Variants in SPATA17 observed in about 807,000 individuals in gnomAD.
SPATA17 encodes spermatogenesis-associated protein 17.
Under a neutral mutation model 62.2 loss-of-function variants are expected in SPATA17, and 53 were observed. The observed-to-expected ratio is 0.85, with a 90% CI of 0.68 to 1.07. SPATA17 has a LOEUF of 1.07. SPATA17 is among the 50% of genes least tolerant of loss of function. The pLI is 0.00. For missense variants in SPATA17, 466 were observed against 425.5 expected (o/e 1.10, Z -0.84); for synonymous variants, 146 against 146.8 (o/e 0.99, Z 0.04).
chr1:217,667,766 T>C (rs1300966525), intron 3 of SPATA17, among the ~76,000 whole-genome samples: 1 of 152,226 alleles, frequency 6.6e-6, no homozygotes, highest in Non-Finnish European at 1.5e-5. Context: ...TGCTTCAATA[T>C]GATGTCAAGA....
At chr1:217,742,941 C>T (rs186942504) in intron 6 of SPATA17, among the ~76,000 whole-genome samples, 1,634 of 129,572 alleles carry the variant, frequency 0.013, 23 homozygotes, top group African/African-American at 0.042. Flanking sequence ...TAGAGGCATC[C>T]AAATTAAAAT....
chr1:217,815,925 C>G (rs369969851), intron 9 of SPATA17, among the ~76,000 whole-genome samples: 1 of 152,080 alleles, frequency 6.6e-6, no homozygotes, highest in African/African-American at 2.4e-5. Flanking sequence ...CTTGGAGAAC[C>G]CTGACTTACA....
intron 6 of SPATA17, among the ~76,000 whole-genome samples, chr1:217,750,706 G>C (rs1300864209): frequency 6.6e-6 from 1 of 152,156 alleles, no homozygotes; most frequent in African/African-American, 2.4e-5. Context: ...CCAGTAGTTT[G>C]TATGAATGTT....
intron 9 of SPATA17, among the ~76,000 whole-genome samples, chr1:217,860,001 CT>C (rs927228272): frequency 2.0e-5 from 3 of 152,038 alleles, no homozygotes; most frequent in African/African-American, 7.2e-5. Flanking sequence ...TGATTATTGA[CT>C]TTAGATTTTT....
chr1:217,870,198 T>C lies in SPATA17; in HGVS notation c.*3179T>C, dbSNP rs920248344. 2.0e-5 allele frequency: 3 copies of C among 152,198 alleles called. No homozygotes were observed. The highest frequency in any genetic ancestry group is 7.2e-5 in the African/African-American group (3 of 41,460). The allele number at this position is 152,198 out of a possible 1,614,324, so 9.4% of individuals were successfully genotyped here. ...GTATGAATGGCCTTCATTGATTTTGTAGACCCTGACCTTCTCTGTTCTTCC... is the reference window on the plus strand; with the variant it reads ...GTATGAATGGCCTTCATTGATTTTGCAGACCCTGACCTTCTCTGTTCTTCC... On this transcript the variant is annotated 3_prime_UTR_variant, in exon 11 of 11. Transcript: ENST00000366933.
chr1:217,639,283 A>G (rs182627185), intron 1 of SPATA17, among the ~76,000 whole-genome samples: 213 of 152,260 alleles, frequency 1.4e-3, no homozygotes, highest in African/African-American at 5.0e-3. Context: ...AAAAGACACA[A>G]AAACAATAAT....
intron 5 of SPATA17, among the ~76,000 whole-genome samples, chr1:217,694,525 T>A (rs1671411568): frequency 7.3e-6 from 1 of 137,428 alleles, no homozygotes; most frequent in Non-Finnish European, 1.6e-5. Flanking sequence ...GTGAATTTGA[T>A]CCTGTCATTA....
intron 5 of SPATA17, among the ~76,000 whole-genome samples, chr1:217,706,977 C>T (rs1671751978): frequency 6.6e-6 from 1 of 152,034 alleles, no homozygotes; most frequent in Admixed American, 6.6e-5. Flanking sequence ...AGCCATTCTC[C>T]TGCCTCAGAC....
At chr1:217,733,510 G>A (rs1055115124) in intron 5 of SPATA17, among the ~76,000 whole-genome samples, 8 of 152,082 alleles carry the variant, frequency 5.3e-5, no homozygotes, top group African/African-American at 9.7e-5. Flanking sequence ...TAAGCACTAC[G>A]TATGTATTTT....
At chr1:217,789,387 G>A (rs1451034669) in intron 8 of SPATA17, among the ~76,000 whole-genome samples, 1 of 152,026 alleles carries the variant, frequency 6.6e-6, no homozygotes, top group African/African-American at 2.4e-5. Flanking sequence ...TATTGGATTT[G>A]GTAATATTAT....
intron 5 of SPATA17, among the ~76,000 whole-genome samples, chr1:217,735,908 T>C (rs912756838): frequency 6.6e-6 from 1 of 151,700 alleles, no homozygotes; most frequent in Non-Finnish European, 1.5e-5. Context: ...CTGTATATAA[T>C]TGAGTCATTT....
chr1:217,674,003 A>G (rs917976787), intron 4 of SPATA17, among the ~76,000 whole-genome samples: 1 of 152,152 alleles, frequency 6.6e-6, no homozygotes, highest in Non-Finnish European at 1.5e-5. Flanking sequence ...AAAATGACAT[A>G]TATCTTATAC....
chr1:217,687,888 T>C (rs987322304), intron 5 of SPATA17, among the ~76,000 whole-genome samples: 21 of 152,364 alleles, frequency 1.4e-4, no homozygotes, highest in African/African-American at 4.6e-4. Context: ...CTTTCATTAT[T>C]GTAACCATTT....
intron 8 of SPATA17, among the ~76,000 whole-genome samples, chr1:217,799,523 G>C (rs1271203834): frequency 6.6e-6 from 1 of 151,970 alleles, no homozygotes; most frequent in East Asian, 1.9e-4. Flanking sequence ...TTATATGAGA[G>C]CTCTTTTCCC....
At chr1:217,850,443 C>A in intron 9 of SPATA17, 1 of 1,362,906 alleles carries the variant, frequency 7.3e-7, no homozygotes, top group Admixed American at 1.7e-5. Flanking sequence ...ACAGGGTCAA[C>A]TCTTTCTGGA....
At chr1:217,772,557 C>CT (rs1392377623) in intron 6 of SPATA17, among the ~76,000 whole-genome samples, 1 of 152,082 alleles carries the variant, frequency 6.6e-6, no homozygotes, top group African/African-American at 2.4e-5. Flanking sequence ...ATGGTATAAT[C>CT]TGTATATTCT....
chr1:217,698,315 T>C (rs1357813999), intron 5 of SPATA17, among the ~76,000 whole-genome samples: 1 of 151,980 alleles, frequency 6.6e-6, no homozygotes, highest in Non-Finnish European at 1.5e-5. Flanking sequence ...CTGCCTGTAA[T>C]CCCAGCTGCT....
chr1:217,636,846 A>C (rs1317503018), intron 1 of SPATA17, among the ~76,000 whole-genome samples: 1 of 152,244 alleles, frequency 6.6e-6, no homozygotes, highest in Non-Finnish European at 1.5e-5. Flanking sequence ...AATTTAAATC[A>C]AATCTGCTTG....
intron 9 of SPATA17, among the ~76,000 whole-genome samples, chr1:217,844,484 T>C (rs1394527269): frequency 4.6e-5 from 7 of 151,958 alleles, no homozygotes; most frequent in African/African-American, 1.7e-4. Flanking sequence ...AAAAAATGAG[T>C]GTCCTTCTTT....
Sources: gnomAD v4.1 joint callset for allele counts (sites outside exome capture counted in the v4.1 genomes callset) on GRCh38, gnomAD v4.1.1 for gene constraint, MANE v1.5 for transcripts, NCBI Gene and HGNC (gene_info 2026-07-23, HGNC 2026-07-21) for gene names.